The following SGIP1 variants were observed in gnomAD, a reference collection of about 807,000 sequenced individuals.
SGIP1 encodes SH3-containing GRB2-like protein 3-interacting protein 1.
A neutral mutation model predicts 107.5 loss-of-function variants in SGIP1; 38 were observed. The ratio of observed to expected loss-of-function variants is 0.35; its 90% CI spans 0.27 to 0.46. The LOEUF (loss-of-function observed/expected upper bound fraction) is 0.46, where lower values mean the gene tolerates loss of function less well. Ranked by LOEUF, SGIP1 falls within the 20% of genes least tolerant of loss-of-function variation. The probability of loss-of-function intolerance (pLI) is 1.00; values close to 1 mark genes in which losing one functional copy is unlikely to be tolerated. For missense variants in SGIP1, 929 were observed against 1,019.5 expected, an observed-to-expected ratio of 0.91 and a Z score of 1.21; for synonymous variants, 365 against 366.1, an observed-to-expected ratio of 1.00 and a Z score of 0.03.
At chr1:66,544,175 T>A (rs1335386528) in intron 1 of SGIP1, among the ~76,000 whole-genome samples, 1 of 152,192 alleles carries the variant, frequency 6.6e-6, no homozygotes, top group Admixed American at 6.5e-5. Flanking sequence ...TACTCTATCA[T>A]CCTTTATTCT....
At chr1:66,615,365 T>TC (rs2069008850) in intron 1 of SGIP1, among the ~76,000 whole-genome samples, 1 of 152,130 alleles carries the variant, frequency 6.6e-6, no homozygotes, top group African/African-American at 2.4e-5. Context: ...ACTCCTGACC[T>TC]CAGGTGACCC....
intron 7 of SGIP1, among the ~76,000 whole-genome samples, chr1:66,650,322 CT>C (rs2078494567): frequency 6.6e-6 from 1 of 152,166 alleles, no homozygotes; most frequent in Non-Finnish European, 1.5e-5. Context: ...CAATGGCACA[CT>C]TCATTGTGCA....
At chr1:66,591,738 A>C (rs555678731) in intron 1 of SGIP1, among the ~76,000 whole-genome samples, 1 of 152,216 alleles carries the variant, frequency 6.6e-6, no homozygotes, top group African/African-American at 2.4e-5. Flanking sequence ...GAGTTCCCTC[A>C]GTATTTATTG....
intron 1 of SGIP1, among the ~76,000 whole-genome samples, chr1:66,578,012 A>G (rs1258007853): frequency 5.3e-5 from 8 of 152,100 alleles, no homozygotes; most frequent in Non-Finnish European, 1.0e-4. Context: ...AAATATCTCA[A>G]TGTTATTTAG....
At chr1:66,695,377 C>T in intron 17 of SGIP1, 57 bp from the exon 18 acceptor site, 1 of 1,613,054 alleles carries the variant, frequency 6.2e-7, no homozygotes, top group South Asian at 1.1e-5. Context: ...CACATTGTGT[C>T]CTTCTCTCTC....
chr1:66,719,995 A>T (rs150926753), intron 19 of SGIP1, among the ~76,000 whole-genome samples: 1 of 152,294 alleles, frequency 6.6e-6, no homozygotes, highest in East Asian at 1.9e-4. Flanking sequence ...AAAATTCACC[A>T]CTTTCTATTT....
rs145634564 is a variant in SGIP1 at position 66,653,245 on chromosome 1, G to A, written c.460-7268G>A. Among the ~76,000 whole-genome samples the A allele has an allele frequency of 3.1e-3, 476 of 152,154 alleles. 2 individuals are homozygous for A. Among genetic ancestry groups the A allele is most frequent in the African/African-American group, 0.011 (451 of 41,498 alleles). On this transcript the variant is annotated intron_variant, in intron 7 of 24. Coordinates refer to ENST00000371037, the MANE Select transcript of SGIP1 (RefSeq NM_032291.4). ...TCTTCTCAACATTTTAATAAACCAT[G>A]GACTGTGTGCAGAAAATTAGTTTTG...
At chr1:66,534,007 A>G (rs961018306), upstream of SGIP1, 3 of 315,204 alleles carry the variant, frequency 9.5e-6, no homozygotes, top group African/African-American at 2.1e-5. Context: ...GGGACGGGAA[A>G]TAGGTTCTGT....
chr1:66,738,055 A>G (rs1263023847), intron 21 of SGIP1, among the ~76,000 whole-genome samples: 1 of 152,124 alleles, frequency 6.6e-6, no homozygotes, highest in African/African-American at 2.4e-5. Context: ...GGGGAGGGGG[A>G]TTCTGCTCTG....
chr1:66,693,169 C>G (rs904269289), intron 17 of SGIP1, among the ~76,000 whole-genome samples: 2 of 151,486 alleles, frequency 1.3e-5, no homozygotes, highest in Non-Finnish European at 2.9e-5. Flanking sequence ...GGTGGTAATG[C>G]CAGCTGAGAT....
chr1:66,547,535 C>G (rs1232843537), intron 1 of SGIP1, among the ~76,000 whole-genome samples: 1 of 152,134 alleles, frequency 6.6e-6, no homozygotes, highest in East Asian at 1.9e-4. Flanking sequence ...TCATGGCAAC[C>G]CAGTTCAAGT....
At chr1:66,659,958 G>A (rs2031479) in intron 7 of SGIP1, among the ~76,000 whole-genome samples, 1,141 of 22,454 alleles carry the variant, frequency 0.051, 69 homozygotes, top group East Asian at 0.16. Context: ...GAAAAAGAAA[G>A]AAAGAAAGAA....
At chr1:66,724,434 T>C (rs747718083) in intron 19 of SGIP1, among the ~76,000 whole-genome samples, 32 of 152,268 alleles carry the variant, frequency 2.1e-4, no homozygotes, top group Admixed American at 6.5e-4. Flanking sequence ...GTATAGAAAA[T>C]ATTAAATTTT....
At chr1:66,706,529 T>C (rs1344576196) in intron 18 of SGIP1, among the ~76,000 whole-genome samples, 4 of 149,742 alleles carry the variant, frequency 2.7e-5, no homozygotes, top group Non-Finnish European at 5.9e-5. Flanking sequence ...CTTTTCTCTT[T>C]AATAAATAAA....
rs1426221511 is a variant in SGIP1 at position 66,744,568 on chromosome 1, G to A, written c.*1473G>A. On this transcript the variant is annotated 3_prime_UTR_variant, in exon 25 of 25. Coordinates refer to ENST00000371037, the MANE Select transcript of SGIP1 (RefSeq NM_032291.4). ...TAAGTTATTATTTTTATAATTAGTT[G>A]TTAAATTTCATTTTACACCCACTCA... 6.6e-6 allele frequency: 1 copy of A among 151,954 alleles called. No homozygotes were observed. Among genetic ancestry groups the A allele is most frequent in the Non-Finnish European group, 1.5e-5 (1 of 67,906 alleles). The allele number at this position is 151,954 out of a possible 1,614,324, so 9.4% of individuals were successfully genotyped here.
At chr1:66,654,684 T>A (rs551182299) in intron 7 of SGIP1, among the ~76,000 whole-genome samples, 39 of 152,302 alleles carry the variant, frequency 2.6e-4, no homozygotes, top group East Asian at 5.8e-4. Context: ...TGTCAAAAAA[T>A]TTTTCCTCAA....
chr1:66,655,232 G>A (rs554717392), intron 7 of SGIP1, among the ~76,000 whole-genome samples: 2 of 151,750 alleles, frequency 1.3e-5, no homozygotes, highest in East Asian at 1.9e-4. Flanking sequence ...CTAGACTAAC[G>A]CCTGCCATTC....
chr1:66,570,548 G>C (rs888741702), intron 1 of SGIP1, among the ~76,000 whole-genome samples: 6 of 151,966 alleles, frequency 3.9e-5, no homozygotes, highest in Admixed American at 3.3e-4. Flanking sequence ...TTTGTTAATA[G>C]TGTGATATCC....
intron 2 of SGIP1, among the ~76,000 whole-genome samples, chr1:66,632,688 C>T (rs544789209): frequency 1.3e-5 from 2 of 152,282 alleles, no homozygotes; most frequent in South Asian, 4.1e-4. Context: ...AATTGGTTTA[C>T]TTGCCTCATG....
Sources: allele counts gnomAD v4.1 joint callset (sites outside exome capture counted in the v4.1 genomes callset), GRCh38; gene constraint gnomAD v4.1.1; transcripts MANE v1.5; gene names NCBI Gene and HGNC (gene_info 2026-07-23, HGNC 2026-07-21).